Variants in RAB35 observed in about 807,000 individuals in gnomAD.
The protein encoded by RAB35 is RAB35, member RAS oncogene family.
Under a neutral mutation model 28.9 loss-of-function variants are expected in RAB35, and 4 were observed. The observed-to-expected ratio is 0.14, with a 90% CI of 0.07 to 0.32. The LOEUF is 0.32. Among genes scored for constraint, RAB35 ranks in the 10% least tolerant of loss-of-function variants. The pLI, the probability that RAB35 is intolerant of heterozygous loss-of-function variation, is 1.00. For synonymous variants in RAB35, 99 were observed against 105.1 expected (o/e 0.94, Z 0.35); for missense variants, 128 against 274.0 (o/e 0.47, Z 3.76).
In RAB35 at chr12:120,097,163, G is replaced by C. The variant is rs750653847; in HGVS notation, c.*82C>G. On this transcript the variant is annotated 3_prime_UTR_variant, in exon 6 of 6. Transcript: ENST00000229340. ...ATTCTTTAAATAACGGCACGAAACT[G>C]AGACTGTCCCCCGAGGAACCTCCGT... 10 of 1,612,846 alleles carry C rather than the reference G, an allele frequency of 6.2e-6. No individual in the cohort carries two copies. The highest frequency in any genetic ancestry group is 7.6e-6 in the Non-Finnish European group (9 of 1,179,664).
Position 120,103,240 on chromosome 12 carries a change from C to T in RAB35, c.227+586G>A, listed in dbSNP as rs956683150. On this transcript the variant is annotated intron_variant, in intron 3 of 5. Transcript: ENST00000229340. The surrounding 1 kb of genome is among the most constrained non-coding windows in gnomAD (Gnocchi z 6.1). ...AGGACACTGCCCATCTGCGCAGGAG[C>T]CCAGCTTCCCCCCGGCCTGCAGCTC... Among the ~76,000 whole-genome samples the T allele has an allele frequency of 5.3e-5, 8 of 152,222 alleles. No individual in the cohort carries two copies. The highest frequency in any genetic ancestry group is 8.8e-5 in the Non-Finnish European group (6 of 68,046).
intron 1 of RAB35, among the ~76,000 whole-genome samples, chr12:120,114,731 A>G (rs1876259688): frequency 6.6e-6 from 1 of 152,218 alleles, no homozygotes. Context: ...AGAAAAATCA[A>G]TTCATCACAC....
In RAB35 at chr12:120,112,019, C is replaced by T. The variant is rs186800448; in HGVS notation, c.53-3552G>A. 2.6e-5 allele frequency among the ~76,000 whole-genome samples: 4 copies of T among 151,320 alleles called. No individual in the cohort carries two copies. The South Asian group carries it at 6.3e-4, about 24-fold the overall frequency. ...TTTTTTAAATGGAGTCTCACTCTGT[C>T]GCCCAGGCTGGAGTACGGTGGCGCG... is the stretch of plus-strand genomic sequence containing the variant. On this transcript the variant is annotated intron_variant, in intron 1 of 5. Transcript: ENST00000229340.
chr12:120,115,756 G>A lies in RAB35; in HGVS notation c.52+843C>T, dbSNP rs182701814. 3.2e-3 allele frequency among the ~76,000 whole-genome samples: 480 copies of A among 152,284 alleles called. 5 individuals carry two copies. Among genetic ancestry groups the A allele is most frequent in the African/African-American group, 0.011 (466 of 41,552 alleles). ...GAGCCCTCAAGCAGTGTGTGTGTGTGGCCAAAGCACTTTTATAATTTTGGC... is the reference window on the plus strand; with the variant it reads ...GAGCCCTCAAGCAGTGTGTGTGTGTAGCCAAAGCACTTTTATAATTTTGGC... On this transcript the variant is annotated intron_variant, in intron 1 of 5. Transcript: ENST00000229340.
intron 2 of RAB35, 72 bp downstream of exon 2, chr12:120,108,345 T>G: frequency 2.0e-6 from 3 of 1,468,148 alleles, no homozygotes; most frequent in Non-Finnish European, 2.9e-6. Context: ...GCAACTCTGT[T>G]TGGTGCCAGG....
In RAB35 at chr12:120,103,759, A is replaced by G. The variant is rs1875753364; in HGVS notation, c.227+67T>C. 6.3e-7 allele frequency: 1 copy of G among 1,584,802 alleles called. No homozygotes were observed. The highest frequency in any genetic ancestry group is 1.3e-5 in the African/African-American group (1 of 74,516). ...AGTGACATTTCCACCATGACCAGGC[A>G]CCGGTCGCTCAACTGTGTCCACAGG... On this transcript the variant is annotated intron_variant, in intron 3 of 5. Transcript: ENST00000229340. This position sits in a 1 kb window ranked among gnomAD's most constrained non-coding sequence, Gnocchi z 6.1.
chr12:120,098,078 G>A (rs1875502947), intron 5 of RAB35, among the ~76,000 whole-genome samples: 1 of 152,040 alleles, frequency 6.6e-6, no homozygotes, highest in African/African-American at 2.4e-5. Flanking sequence ...TAGAGACAGG[G>A]TTCCACCATG....
chr12:120,102,445 G>A (rs938464997), intron 3 of RAB35, among the ~76,000 whole-genome samples: 7 of 152,144 alleles, frequency 4.6e-5, no homozygotes, highest in Non-Finnish European at 2.9e-5. Flanking sequence ...CAGAGCCCTC[G>A]CTCACAGGGC....
At chr12:120,109,440 C>T (rs1463923203) in intron 1 of RAB35, among the ~76,000 whole-genome samples, 2 of 150,868 alleles carry the variant, frequency 1.3e-5, no homozygotes, top group Admixed American at 1.3e-4. Flanking sequence ...GCAACAAGAG[C>T]GAAACTCTGT....
At chr12:120,110,369 A>C (rs1290862853) in intron 1 of RAB35, among the ~76,000 whole-genome samples, 1 of 138,934 alleles carries the variant, frequency 7.2e-6, no homozygotes. Flanking sequence ...AACTCACTCT[A>C]ACCTTGAAAT....
At chr12:120,110,658 A>AC (rs1876081052) in intron 1 of RAB35, among the ~76,000 whole-genome samples, 1 of 151,988 alleles carries the variant, frequency 6.6e-6, no homozygotes, top group Non-Finnish European at 1.5e-5. Flanking sequence ...CCTAAGCCTA[A>AC]CCCCAGCATC....
intron 1 of RAB35, among the ~76,000 whole-genome samples, chr12:120,115,172 C>T (rs1185664182): frequency 2.0e-5 from 3 of 152,114 alleles, no homozygotes; most frequent in Non-Finnish European, 2.9e-5. Context: ...CCTCTCCCCT[C>T]CTCCAGCAAC....
intron 2 of RAB35, 95 bp downstream of exon 2, chr12:120,108,322 A>G: frequency 7.7e-7 from 1 of 1,301,990 alleles, no homozygotes; most frequent in South Asian, 1.2e-5. Context: ...ACAGTTCCCA[A>G]CATCAGGCAG....
chr12:120,108,688 G>A (rs1387924285), intron 1 of RAB35: 1 of 672,766 alleles, frequency 1.5e-6, no homozygotes, highest in Non-Finnish European at 2.8e-6. Context: ...TGTAAGACAA[G>A]CTGCTCCCAA....
intron 2 of RAB35, among the ~76,000 whole-genome samples, chr12:120,106,834 G>A (rs1286044742): frequency 2.6e-5 from 4 of 151,794 alleles, no homozygotes; most frequent in African/African-American, 7.3e-5. Flanking sequence ...TGATCCACGC[G>A]CCTCGGCCTC....
At position 120,103,212 on chromosome 12, in the gene RAB35, C is replaced by T. The variant is rs2239204; in HGVS notation, c.227+614G>A. 0.069 allele frequency among the ~76,000 whole-genome samples: 10,557 copies of T among 152,280 alleles called. 764 individuals carry two copies. Among genetic ancestry groups the T allele is most frequent in the East Asian group, 0.4 (2,065 of 5,152 alleles). On this transcript the variant is annotated intron_variant, in intron 3 of 5. Transcript: ENST00000229340. This position sits in a 1 kb window ranked among gnomAD's most constrained non-coding sequence, Gnocchi z 6.1. ...ACAACCCAATAACCAGGAGCCGCTC[C>T]GAAGGACACTGCCCATCTGCGCAGG...
At position 120,103,703 on chromosome 12, in the gene RAB35, G is replaced by T; in HGVS notation, c.227+123C>A. 7.1e-7 allele frequency: 1 copy of T among 1,406,640 alleles called. No individual in the cohort carries two copies. The highest frequency in any genetic ancestry group is 9.7e-7 in the Non-Finnish European group (1 of 1,032,100). The allele number at this position is 1,406,640 out of a possible 1,614,324, so 87.1% of individuals were successfully genotyped here. ...CGCCACCTACTACAGCCAACAACAG[G>T]CTCACTTCCCGACAGCCTCAGGGAC... is the stretch of plus-strand genomic sequence containing the variant. On this transcript the variant is annotated intron_variant, in intron 3 of 5. Transcript: ENST00000229340. This position sits in a 1 kb window ranked among gnomAD's most constrained non-coding sequence, Gnocchi z 6.1.
intron 3 of RAB35, among the ~76,000 whole-genome samples, chr12:120,102,650 C>CT (rs1324056087): frequency 2.0e-5 from 3 of 152,218 alleles, no homozygotes; most frequent in Non-Finnish European, 2.9e-5. Flanking sequence ...CCCTGCTCTC[C>CT]CCCATACTCC....
At chr12:120,108,517 C>A in intron 1 of RAB35, 50 bp from the exon 2 acceptor site, 1 of 1,549,274 alleles carries the variant, frequency 6.5e-7, no homozygotes, top group South Asian at 1.1e-5. Context: ...GTCCCCTCCC[C>A]GCAGCCCCAG....
Sources: gnomAD v4.1 joint callset for allele counts (sites outside exome capture counted in the v4.1 genomes callset) on GRCh38, gnomAD v4.1.1 for gene constraint, Gnocchi (gnomAD v3.1) non-coding constraint, MANE v1.5 for transcripts, NCBI Gene and HGNC (gene_info 2026-07-23, HGNC 2026-07-21) for gene names.